Variants in SMG6 observed in about 807,000 individuals in gnomAD.
SMG6 encodes telomerase-binding protein EST1A.
In SMG6, 66 loss-of-function variants were observed where a neutral mutation model predicts 142.2. That is an observed-to-expected ratio of 0.46 (90% CI 0.38 to 0.57). The LOEUF (loss-of-function observed/expected upper bound fraction) is 0.57, where lower values mean the gene tolerates loss of function less well. SMG6 is among the 20% of genes least tolerant of loss of function. The pLI, the probability that SMG6 is intolerant of heterozygous loss-of-function variation, is 0.00. For missense variants in SMG6, 1,793 were observed against 1,832.0 expected, an observed-to-expected ratio of 0.98 and a Z score of 0.39; for synonymous variants, 779 against 702.4, an observed-to-expected ratio of 1.11 and a Z score of -1.72.
intron 13 of SMG6, among the ~76,000 whole-genome samples, chr17:2,168,272 C>T (rs2151641340): frequency 1.3e-5 from 2 of 152,114 alleles, no homozygotes; most frequent in African/African-American, 2.4e-5. Context: ...CAGCTCACTG[C>T]AACTCCACCT....
In SMG6 at chr17:2,292,447, T is replaced by C. The variant is rs1363402544; in HGVS notation, c.2337+105A>G. ...GAGTTTGAGGGGATATTCTTTGGGC[T>C]ACAGTGATGAGATGAAATGAAGCTC... On this transcript the variant is annotated intron_variant, in intron 6 of 18. Coordinates refer to ENST00000263073, the MANE Select transcript of SMG6 (RefSeq NM_017575.5). The C allele has an allele frequency of 7.2e-6, 8 of 1,118,452 alleles. No homozygotes were observed. In the East Asian group the frequency reaches 1.9e-4, roughly 26 times the overall value. The allele number at this position is 1,118,452 out of a possible 1,614,324, so 69.3% of individuals were successfully genotyped here. A position where few individuals can be genotyped will look rare whatever the true frequency, so the allele number is the denominator to read the frequency against.
rs894970159 is a variant in SMG6 at position 2,061,531 on chromosome 17, C to T, written c.4221G>A (p.Arg1407=). 6.3e-7 allele frequency: 1 copy of T among 1,575,204 alleles called. No homozygotes were observed. The highest frequency in any genetic ancestry group is 1.3e-5 in the African/African-American group (1 of 74,074). ...VKALTRNVPV[R]DIPAFLTWAQ... ...CCCACGTGAGGAAGGCTGGGATGTC[C>T]CGTACAGGAACATTCCTTGTGAGCG... The change falls in exon 19 of 19, where the codon CGG becomes CGA. Residue 1407 remains arginine (R), a synonymous_variant. Transcript: ENST00000263073.
chr17:2,297,723 G>A, intron 3 of SMG6, 140 bp downstream of exon 3: 1 of 846,198 alleles, frequency 1.2e-6, no homozygotes, highest in Non-Finnish European at 1.8e-6. Context: ...AACTGGTGTA[G>A]GGAAGGCTCA....
intron 12 of SMG6, among the ~76,000 whole-genome samples, chr17:2,184,696 T>G (rs1597547516): frequency 8.7e-6 from 1 of 114,364 alleles, no homozygotes; most frequent in African/African-American, 3.5e-5. Flanking sequence ...GGTACGGTGG[T>G]TCATGCGCCT....
chr17:2,189,825 G>A (rs2072104967), intron 10 of SMG6, among the ~76,000 whole-genome samples: 2 of 149,882 alleles, frequency 1.3e-5, no homozygotes, highest in African/African-American at 5.1e-5. Context: ...CTGCTCAGAA[G>A]GGCCCAACAA....
chr17:2,065,713 C>T (rs2037078235), intron 16 of SMG6, 34 bp from the exon 17 acceptor site: 2 of 1,564,466 alleles, frequency 1.3e-6, no homozygotes, highest in African/African-American at 2.7e-5. Flanking sequence ...GTATCAGCCT[C>T]AGCAATCAGC....
chr17:2,148,368 A>G (rs1825792767), intron 13 of SMG6, among the ~76,000 whole-genome samples: 1 of 152,254 alleles, frequency 6.6e-6, no homozygotes, highest in African/African-American at 2.4e-5. Context: ...GTGTCCATCA[A>G]CAGGTGAATG....
At chr17:2,173,797 G>A (rs574888831) in intron 12 of SMG6, among the ~76,000 whole-genome samples, 6 of 150,012 alleles carry the variant, frequency 4.0e-5, no homozygotes, top group African/African-American at 1.5e-4. Flanking sequence ...GTCAAAAATC[G>A]ACTGTGGGTC....
intron 13 of SMG6, among the ~76,000 whole-genome samples, chr17:2,168,192 A>AT (rs1250449911): frequency 6.6e-6 from 1 of 151,214 alleles, no homozygotes; most frequent in African/African-American, 2.4e-5. Flanking sequence ...TTTTAAAAAA[A>AT]TTTTATTTAT....
At chr17:2,066,652 T>TACACACACACACACACACACACACACAC (rs1161956483) in intron 16 of SMG6, among the ~76,000 whole-genome samples, 18 of 119,490 alleles carry the variant, frequency 1.5e-4, no homozygotes, top group East Asian at 2.5e-4. Flanking sequence ...CATGTGGGAA[T>TACACACACACACACACACACACACACAC]ACACACACAC....
At chr17:2,239,139 G>A (rs1011200057) in intron 9 of SMG6, among the ~76,000 whole-genome samples, 3 of 152,114 alleles carry the variant, frequency 2.0e-5, no homozygotes, top group Non-Finnish European at 4.4e-5. Context: ...GCTTCACCCC[G>A]CATTACTGAT....
chr17:2,230,587 GAAAACA>G (rs1054517564), intron 10 of SMG6, among the ~76,000 whole-genome samples: 1 of 152,012 alleles, frequency 6.6e-6, no homozygotes, highest in African/African-American at 2.4e-5. Context: ...AATACATTCT[GAAAACA>G]AGGACCCTGG....
At chr17:2,288,396 G>A (rs2074954503) in intron 6 of SMG6, among the ~76,000 whole-genome samples, 1 of 151,994 alleles carries the variant, frequency 6.6e-6, no homozygotes, top group Admixed American at 6.6e-5. Flanking sequence ...GAGGCAGGTG[G>A]CTAGCTTGAA....
intron 8 of SMG6, among the ~76,000 whole-genome samples, chr17:2,249,828 C>A (rs938557483): frequency 6.6e-6 from 1 of 152,114 alleles, no homozygotes; most frequent in Non-Finnish European, 1.5e-5. Context: ...TAGCTCAAGT[C>A]CAAAACAAAT....
intron 13 of SMG6, among the ~76,000 whole-genome samples, chr17:2,163,805 T>C (rs776766430): frequency 6.6e-6 from 1 of 152,040 alleles, no homozygotes; most frequent in African/African-American, 2.4e-5. Flanking sequence ...TTGGTGGTTA[T>C]GTAGTTGTTT....
rs111861084 is a variant in SMG6 at position 2,073,363 on chromosome 17, C to T, written c.3682-4432G>A. ...TCCCCCAAAGTGCTGGGATTACAGGCGTAAGCCACTGTGCCCAGCGTTTTT... is the reference window on the plus strand; with the variant it reads ...TCCCCCAAAGTGCTGGGATTACAGGTGTAAGCCACTGTGCCCAGCGTTTTT... On this transcript the variant is annotated intron_variant, in intron 15 of 18. Coordinates refer to ENST00000263073, the MANE Select transcript of SMG6 (RefSeq NM_017575.5). Among the ~76,000 whole-genome samples the T allele has an allele frequency of 5.5e-3, 835 of 152,050 alleles. 12 individuals are homozygous for T. The highest frequency in any genetic ancestry group is 0.017 in the African/African-American group (692 of 41,514).
At chr17:2,168,812 G>C (rs538487025) in intron 13 of SMG6, among the ~76,000 whole-genome samples, 5 of 151,826 alleles carry the variant, frequency 3.3e-5, no homozygotes, top group Non-Finnish European at 5.9e-5. Flanking sequence ...GCAGTGGCAC[G>C]ATCTTGGCTC....
chr17:2,133,551 T>G (rs1052732985), intron 13 of SMG6, among the ~76,000 whole-genome samples: 9 of 152,152 alleles, frequency 5.9e-5, no homozygotes, highest in Non-Finnish European at 1.2e-4. Flanking sequence ...ATGTGTGTGT[T>G]TTAGACACAG....
At chr17:2,171,812 C>T (rs777650051) in intron 13 of SMG6, among the ~76,000 whole-genome samples, 2 of 150,572 alleles carry the variant, frequency 1.3e-5, no homozygotes, top group Non-Finnish European at 2.9e-5. Flanking sequence ...CCTGAGAAGA[C>T]ATTTGTGGAG....
Sources: allele counts gnomAD v4.1 joint callset (sites outside exome capture counted in the v4.1 genomes callset), GRCh38; gene constraint gnomAD v4.1.1; transcripts MANE v1.5; gene names NCBI Gene and HGNC (gene_info 2026-07-23, HGNC 2026-07-21).